Variants in UBAP1 observed in about 807,000 individuals in gnomAD.
UBAP1 encodes ubiquitin associated protein 1.
In UBAP1, 5 loss-of-function variants were observed where a neutral mutation model predicts 39.0. That is an observed-to-expected ratio of 0.13 (90% CI 0.07 to 0.27). The LOEUF is 0.27. Among genes scored for constraint, UBAP1 ranks in the 10% least tolerant of loss-of-function variants. The probability of loss-of-function intolerance (pLI) is 1.00; values close to 1 mark genes in which losing one functional copy is unlikely to be tolerated. For missense variants in UBAP1, 490 were observed against 608.1 expected (o/e 0.81, Z 2.04); for synonymous variants, 211 against 225.1 (o/e 0.94, Z 0.56).
chr9:34,235,810 G>A (rs961332081), intron 3 of UBAP1, among the ~76,000 whole-genome samples: 1 of 151,332 alleles, frequency 6.6e-6, no homozygotes, highest in African/African-American at 2.4e-5. Context: ...CCCTATACAG[G>A]TGGACCATTT....
intron 1 of UBAP1, among the ~76,000 whole-genome samples, chr9:34,219,813 C>T (rs1280977487): frequency 2.0e-4 from 9 of 44,828 alleles, no homozygotes; most frequent in African/African-American, 8.0e-4. Flanking sequence ...CCCCTCTCCC[C>T]TCCCCCTTCC....
intron 1 of UBAP1, among the ~76,000 whole-genome samples, chr9:34,216,925 A>G (rs1402872790): frequency 1.3e-5 from 2 of 151,948 alleles, no homozygotes; most frequent in Non-Finnish European, 2.9e-5. Flanking sequence ...AACTGTAGTC[A>G]CCTTACTGTA....
chr9:34,184,378 T>A (rs1284438057), intron 1 of UBAP1, among the ~76,000 whole-genome samples: 1 of 149,752 alleles, frequency 6.7e-6, no homozygotes, highest in African/African-American at 2.4e-5. Context: ...AGGTCTGTAA[T>A]CCCAGCACTT....
chr9:34,218,624 C>T (rs1429994243), intron 1 of UBAP1, among the ~76,000 whole-genome samples: 3 of 152,106 alleles, frequency 2.0e-5, no homozygotes, highest in Non-Finnish European at 2.9e-5. Flanking sequence ...AAGAGTCTTG[C>T]TTCTGGGTTT....
At chr9:34,235,011 G>A (rs1237111985) in intron 3 of UBAP1, among the ~76,000 whole-genome samples, 1 of 152,142 alleles carries the variant, frequency 6.6e-6, no homozygotes, top group Non-Finnish European at 1.5e-5. Flanking sequence ...TGGGAAGGTG[G>A]AAGACAGTGA....
intron 1 of UBAP1, among the ~76,000 whole-genome samples, chr9:34,216,398 G>T (rs1156404305): frequency 6.6e-6 from 1 of 152,136 alleles, no homozygotes; most frequent in Non-Finnish European, 1.5e-5. Context: ...GCAACCGCCA[G>T]TCTGCTTTCA....
chr9:34,184,665 C>T (rs770541359), intron 1 of UBAP1, among the ~76,000 whole-genome samples: 61 of 149,592 alleles, frequency 4.1e-4, no homozygotes, highest in Non-Finnish European at 7.6e-4. Context: ...GCTCTGTTGC[C>T]AGGCTGGAGT....
chr9:34,180,025 A>T (rs10971977), intron 1 of UBAP1, among the ~76,000 whole-genome samples: 49,347 of 152,132 alleles, frequency 0.32, 9,823 homozygotes, highest in Non-Finnish European at 0.45. Context: ...TTGGTAATTT[A>T]GTTAAGTATT....
chr9:34,236,970 T>C (rs1024763751), intron 3 of UBAP1, among the ~76,000 whole-genome samples: 3 of 152,088 alleles, frequency 2.0e-5, no homozygotes, highest in African/African-American at 7.2e-5. Flanking sequence ...TCTCTCTATA[T>C]GTTGCTTCTG....
chr9:34,210,748 C>G (rs1013222700), intron 1 of UBAP1, among the ~76,000 whole-genome samples: 32 of 109,450 alleles, frequency 2.9e-4, no homozygotes, highest in African/African-American at 9.2e-4. Context: ...TTTTTTTTTA[C>G]ATGTTTTCTA....
intron 1 of UBAP1, among the ~76,000 whole-genome samples, chr9:34,187,755 A>G (rs1427151437): frequency 6.6e-6 from 1 of 150,868 alleles, no homozygotes; most frequent in Non-Finnish European, 1.5e-5. Context: ...TGTGTCTCCT[A>G]TCTTATCAAG....
At chr9:34,179,356 G>A in intron 1 of UBAP1, 116 bp downstream of exon 1, 2 of 802,996 alleles carry the variant, frequency 2.5e-6, no homozygotes, top group Non-Finnish European at 3.4e-6. Context: ...GGGCGCCGGA[G>A]CTAGGAGGTG....
chr9:34,181,289 TA>T (rs1830015699), intron 1 of UBAP1, among the ~76,000 whole-genome samples: 2 of 150,790 alleles, frequency 1.3e-5, no homozygotes, highest in Non-Finnish European at 3.0e-5. Context: ...TTTTTTAAAA[TA>T]TTTTTTTAGT....
chr9:34,195,711 C>T (rs1419685185), intron 1 of UBAP1, among the ~76,000 whole-genome samples: 2 of 150,828 alleles, frequency 1.3e-5, no homozygotes, highest in African/African-American at 2.4e-5. Context: ...GATTCTCCTG[C>T]CTCAGCCTCC....
intron 1 of UBAP1, among the ~76,000 whole-genome samples, chr9:34,195,387 A>C (rs758101085): frequency 2.6e-4 from 40 of 152,058 alleles, no homozygotes; most frequent in Non-Finnish European, 5.1e-4. Context: ...TTGCACATAG[A>C]TATCTATTTT....
chr9:34,239,713 T>C (rs1833869047), intron 3 of UBAP1, among the ~76,000 whole-genome samples: 1 of 152,190 alleles, frequency 6.6e-6, no homozygotes, highest in Non-Finnish European at 1.5e-5. Context: ...CCTCAATTTC[T>C]TCATCTGTAA....
intron 1 of UBAP1, among the ~76,000 whole-genome samples, chr9:34,189,293 A>C (rs566013097): frequency 2.5e-4 from 37 of 150,352 alleles, no homozygotes; most frequent in African/African-American, 8.8e-4. Flanking sequence ...GGTTCAAGTG[A>C]TTCTTTCACC....
At chr9:34,241,035 C>T (rs1340391907) in intron 3 of UBAP1, 150 bp from the exon 4 acceptor site, 2 of 542,714 alleles carry the variant, frequency 3.7e-6, no homozygotes, top group Admixed American at 5.8e-5. Flanking sequence ...GGAAGCCTTA[C>T]TCTTTTTAAG....
Position 34,252,390 on chromosome 9 carries a change from T to C in UBAP1, c.*858T>C, listed in dbSNP as rs570963908. On this transcript the variant is annotated 3_prime_UTR_variant, in exon 7 of 7. Coordinates refer to ENST00000297661, the MANE Select transcript of UBAP1 (RefSeq NM_016525.5). Reference sequence around the variant, plus strand: ...ACCTAGTCATAGAAATCAGTCTCTCTGGTTTGTTTTGTATTATGTTGTACA... The same window carrying C: ...ACCTAGTCATAGAAATCAGTCTCTCCGGTTTGTTTTGTATTATGTTGTACA... 6.5e-6 allele frequency: 1 copy of C among 152,800 alleles called. No homozygotes were observed. The highest frequency in any genetic ancestry group is 6.5e-5 in the Admixed American group (1 of 15,302). The allele number at this position is 152,800 out of a possible 1,614,324, so 9.5% of individuals were successfully genotyped here.
Sources: allele counts gnomAD v4.1 joint callset (sites outside exome capture counted in the v4.1 genomes callset), GRCh38; gene constraint gnomAD v4.1.1; transcripts MANE v1.5; gene names NCBI Gene and HGNC (gene_info 2026-07-23, HGNC 2026-07-21).